The following SLC24A2 variants were observed in gnomAD, a reference collection of about 807,000 sequenced individuals.
The protein encoded by SLC24A2 is solute carrier family 24 member 2, also known as sodium/potassium/calcium exchanger 2.
Under a neutral mutation model 62.0 loss-of-function variants are expected in SLC24A2, and 36 were observed. That is an observed-to-expected ratio of 0.58 (90% CI 0.44 to 0.77). The LOEUF (loss-of-function observed/expected upper bound fraction) is 0.77, where lower values mean the gene tolerates loss of function less well. Ranked by LOEUF, SLC24A2 falls within the 30% of genes least tolerant of loss-of-function variation. The pLI, the probability that SLC24A2 is intolerant of heterozygous loss-of-function variation, is 0.00. For missense variants in SLC24A2, 846 were observed against 817.9 expected (o/e 1.03, Z -0.42); for synonymous variants, 358 against 294.0 (o/e 1.22, Z -2.23).
chr9:19,536,185 T>C (rs543424047), intron 8 of SLC24A2, among the ~76,000 whole-genome samples: 3 of 151,034 alleles, frequency 2.0e-5, no homozygotes, highest in Non-Finnish European at 4.4e-5. Context: ...TTTCTTTTTT[T>C]TTAATTTTTT....
At chr9:20,303,036 A>G in the SLC24A2 span, among the ~76,000 whole-genome samples, 1 of 152,134 alleles carries the variant, frequency 6.6e-6, no homozygotes, top group Non-Finnish European at 1.5e-5. Context: ...CAAAAGTACC[A>G]CTTTACCCTC....
chr9:20,277,584 A>G, the SLC24A2 span, among the ~76,000 whole-genome samples: 1 of 152,138 alleles, frequency 6.6e-6, no homozygotes, highest in Non-Finnish European at 1.5e-5. Flanking sequence ...AAGTCAGGAA[A>G]CAACAGGTGC....
At chr9:19,722,892 C>G (rs1406426473) in intron 2 of SLC24A2, among the ~76,000 whole-genome samples, 1 of 152,004 alleles carries the variant, frequency 6.6e-6, no homozygotes, top group Non-Finnish European at 1.5e-5. Context: ...AGGTGAAGCT[C>G]GTATGGAAAG....
chr9:19,750,020 C>T (rs1452767076), intron 2 of SLC24A2, among the ~76,000 whole-genome samples: 1 of 152,156 alleles, frequency 6.6e-6, no homozygotes, highest in Non-Finnish European at 1.5e-5. Flanking sequence ...GGAACTCAAG[C>T]CAAGGTCAGA....
the SLC24A2 span, among the ~76,000 whole-genome samples, chr9:20,166,062 C>T: frequency 6.6e-6 from 1 of 151,778 alleles, no homozygotes; most frequent in African/African-American, 2.4e-5. Context: ...AAGATTGACA[C>T]AATTCAAATG....
chr9:19,780,819 G>T (rs1387913353), intron 2 of SLC24A2, among the ~76,000 whole-genome samples: 4 of 145,550 alleles, frequency 2.7e-5, no homozygotes, highest in Admixed American at 2.1e-4. Context: ...CCTGCAGCGA[G>T]CCGAGATCGC....
the SLC24A2 span, among the ~76,000 whole-genome samples, chr9:20,268,953 A>T: frequency 3.9e-5 from 6 of 152,174 alleles, no homozygotes; most frequent in Admixed American, 6.5e-5. Flanking sequence ...GCCAGCTAAC[A>T]AGAGTTGAAC....
the SLC24A2 span, among the ~76,000 whole-genome samples, chr9:20,070,755 T>A: frequency 6.6e-6 from 1 of 152,204 alleles, no homozygotes; most frequent in Non-Finnish European, 1.5e-5. Flanking sequence ...GATTTACAAA[T>A]AGACCTTCAG....
chr9:19,516,222 G>C lies in SLC24A2; in HGVS notation c.1917C>G (p.Leu639=), dbSNP rs41270119. 6.2e-7 allele frequency: 1 copy of C among 1,614,220 alleles called. No homozygotes were observed. Among genetic ancestry groups the C allele is most frequent in the Non-Finnish European group, 8.5e-7 (1 of 1,180,038 alleles). The part of the protein sequence containing the change: ...NKILGFIMFG[L]YFVFLVVSVL... ...CGCTCACCACCAGGAACACAAAGTA[G>C]AGGCCAAACATGATGAAGCCCAGGA... The change falls in exon 11 of 11, where the codon CTC becomes CTG. Residue 639 remains leucine (L), a synonymous_variant. Transcript: ENST00000341998.
chr9:20,002,943 C>T, the SLC24A2 span, among the ~76,000 whole-genome samples: 4 of 152,226 alleles, frequency 2.6e-5, no homozygotes, highest in East Asian at 1.9e-4. Flanking sequence ...CAAATGGCCC[C>T]GTGTTTAGAT....
chr9:20,146,562 G>C, the SLC24A2 span, among the ~76,000 whole-genome samples: 1 of 152,090 alleles, frequency 6.6e-6, no homozygotes, highest in Admixed American at 6.6e-5. Flanking sequence ...CATGCAGGCA[G>C]TAAACTCTCT....
chr9:19,747,273 TC>T (rs1479306349), intron 2 of SLC24A2, among the ~76,000 whole-genome samples: 1 of 152,112 alleles, frequency 6.6e-6, no homozygotes, highest in African/African-American at 2.4e-5. Flanking sequence ...TATCTATCAT[TC>T]CCATGTACTT....
chr9:20,097,518 G>A, the SLC24A2 span, among the ~76,000 whole-genome samples: 2 of 151,882 alleles, frequency 1.3e-5, no homozygotes, highest in Non-Finnish European at 2.9e-5. Flanking sequence ...TGAGATCTCT[G>A]GTGATATTAA....
the SLC24A2 span, among the ~76,000 whole-genome samples, chr9:20,269,041 A>G: frequency 2.4e-4 from 37 of 152,326 alleles, no homozygotes; most frequent in African/African-American, 8.9e-4. Context: ...TTTAGCAGTT[A>G]AGGATGCAAT....
intron 2 of SLC24A2, among the ~76,000 whole-genome samples, chr9:19,758,875 G>T (rs1298016290): frequency 6.6e-6 from 1 of 152,114 alleles, no homozygotes; most frequent in Non-Finnish European, 1.5e-5. Flanking sequence ...ACATTCTCTT[G>T]TTCTACTAAG....
chr9:19,575,890 T>G (rs1054263308), intron 6 of SLC24A2, among the ~76,000 whole-genome samples: 12 of 152,342 alleles, frequency 7.9e-5, no homozygotes, highest in African/African-American at 2.9e-4. Flanking sequence ...ACTTTCATGG[T>G]GTGGCTTTAC....
rs894432744 is a variant in SLC24A2 at position 19,511,232 on chromosome 9, C to A, written c.*4921G>T. The A allele has an allele frequency of 2.0e-5, 3 of 151,992 alleles. No homozygotes were observed. The highest frequency in any genetic ancestry group is 4.4e-5 in the Non-Finnish European group (3 of 68,000). The allele number at this position is 151,992 out of a possible 1,614,324, so 9.4% of individuals were successfully genotyped here. A position where few individuals can be genotyped will look rare whatever the true frequency, so the allele number is the denominator to read the frequency against. On this transcript the variant is annotated 3_prime_UTR_variant, in exon 11 of 11. Transcript: ENST00000341998. The stretch of plus-strand genomic sequence containing the variant: ...TGTGAGTAGTTCCCTTATTGCTTTT[C>A]TTGTTTGCTATATATTTAAAAAATA...
chr9:20,174,468 T>G, the SLC24A2 span, among the ~76,000 whole-genome samples: 1 of 151,628 alleles, frequency 6.6e-6, no homozygotes, highest in African/African-American at 2.4e-5. Context: ...GACAAAGGAC[T>G]AATATCCAGA....
At chr9:20,241,798 CCCGGAGTTAG>C in the SLC24A2 span, among the ~76,000 whole-genome samples, 22 of 152,048 alleles carry the variant, frequency 1.4e-4, no homozygotes, top group South Asian at 4.4e-3. Context: ...AGATGATCAA[CCCGGAGTTAG>C]CCAAGCTGAA....
Sources: gnomAD v4.1 joint callset for allele counts (sites outside exome capture counted in the v4.1 genomes callset) on GRCh38, gnomAD v4.1.1 for gene constraint, MANE v1.5 for transcripts, NCBI Gene and HGNC (gene_info 2026-07-23, HGNC 2026-07-21) for gene names.